The following TMEM266 variants were observed in gnomAD, a reference collection of about 807,000 sequenced individuals.
TMEM266 encodes Hv1 related protein 1.
A neutral mutation model predicts 50.5 loss-of-function variants in TMEM266; 33 were observed. The ratio of observed to expected loss-of-function variants is 0.65; its 90% CI spans 0.50 to 0.87. TMEM266 has a LOEUF of 0.87. Among genes scored for constraint, TMEM266 ranks in the 40% least tolerant of loss-of-function variants. The pLI is 0.00. For synonymous variants in TMEM266, 310 were observed against 292.3 expected, an observed-to-expected ratio of 1.06 and a Z score of -0.62; for missense variants, 655 against 695.1, an observed-to-expected ratio of 0.94 and a Z score of 0.65.
chr15:76,190,474 T>C (rs2038551326), intron 8 of TMEM266, among the ~76,000 whole-genome samples: 1 of 148,436 alleles, frequency 6.7e-6, no homozygotes, highest in African/African-American at 2.5e-5. Context: ...TGTGGGAGAG[T>C]CCCCCTGAGT....
rs1015309463 is a variant in TMEM266, at chr15:76,129,299, A to G, written c.-96-4869A>G. 3.3e-5 allele frequency among the ~76,000 whole-genome samples: 5 copies of G among 152,264 alleles called. No individual in the cohort carries two copies. The East Asian group carries it at 9.6e-4, about 29-fold the overall frequency. On this transcript the variant is annotated intron_variant, in intron 1 of 10. Transcript: ENST00000388942. ...ACCTGAATCTGATTAAAATCTATAA[A>G]CTAATTAAAATGTATAGGAAACATA... is the stretch of plus-strand genomic sequence containing the variant.
At chr15:76,103,560 A>G (rs1281122795) in intron 1 of TMEM266, among the ~76,000 whole-genome samples, 2 of 152,154 alleles carry the variant, frequency 1.3e-5, no homozygotes, top group African/African-American at 4.8e-5. Flanking sequence ...ATCTAAGTGG[A>G]GATGTCTGGC....
intron 1 of TMEM266, among the ~76,000 whole-genome samples, chr15:76,110,499 C>A (rs1297186010): frequency 6.6e-6 from 1 of 152,126 alleles, no homozygotes; most frequent in Non-Finnish European, 1.5e-5. Flanking sequence ...CCTAGGGAAG[C>A]CAAAAGATTG....
chr15:76,198,847 G>C (rs552410785), intron 9 of TMEM266, among the ~76,000 whole-genome samples: 2 of 87,508 alleles, frequency 2.3e-5, no homozygotes, highest in Non-Finnish European at 5.4e-5. Flanking sequence ...AGCACCATTA[G>C]AGAAGTCCAG....
rs776679000 is a variant in TMEM266, at chr15:76,204,216, G to T, written c.1497G>T (p.Arg499Ser). ...AGGGCTTCACTGTCTTTCAGATCAG[G>T]CCTGTCATCCACTTCCAGCCCACTG... Residue 499 changes from arginine to serine, a missense_variant, in exon 11 of 11, where the codon AGG becomes AGT. Around this residue, in one of 3 missense-constraint regions of TMEM266, gnomAD observed 455 missense variants for 401.8 expected, o/e 1.13. Transcript: ENST00000388942. 1 of 1,613,862 alleles carries T rather than the reference G, an allele frequency of 6.2e-7. No individual in the cohort carries two copies. Among genetic ancestry groups the T allele is most frequent in the Admixed American group, 1.7e-5 (1 of 60,012 alleles).
At chr15:76,164,456 A>G (rs1471353773) in intron 5 of TMEM266, among the ~76,000 whole-genome samples, 1 of 151,948 alleles carries the variant, frequency 6.6e-6, no homozygotes, top group Non-Finnish European at 1.5e-5. Flanking sequence ...GATCCTCCCT[A>G]CTTGGCCTCC....
intron 1 of TMEM266, among the ~76,000 whole-genome samples, chr15:76,091,036 G>A (rs1245747482): frequency 6.6e-6 from 1 of 152,016 alleles, no homozygotes; most frequent in Non-Finnish European, 1.5e-5. Context: ...CTATACATAT[G>A]TACAATTACA....
At chr15:76,157,504 T>G (rs562172692) in intron 4 of TMEM266, among the ~76,000 whole-genome samples, 1 of 152,188 alleles carries the variant, frequency 6.6e-6, no homozygotes, top group African/African-American at 2.4e-5. Flanking sequence ...GGATGTCCCA[T>G]AGTGACATGG....
intron 9 of TMEM266, among the ~76,000 whole-genome samples, chr15:76,198,101 T>C (rs2142088277): frequency 6.6e-6 from 1 of 152,296 alleles, no homozygotes; most frequent in Admixed American, 6.5e-5. Context: ...GGGCTAAACA[T>C]TCATGATCTC....
At chr15:76,133,582 A>G (rs918350869) in intron 1 of TMEM266, among the ~76,000 whole-genome samples, 1 of 152,194 alleles carries the variant, frequency 6.6e-6, no homozygotes, top group Non-Finnish European at 1.5e-5. Context: ...CAGGTGGGGA[A>G]ACTGAGGATG....
rs1308603713 is a variant in TMEM266, at chr15:76,168,657, A to G, written c.457-1159A>G. Among the ~76,000 whole-genome samples, 2 of 152,248 alleles carry G rather than the reference A, an allele frequency of 1.3e-5. No individual in the cohort carries two copies. The highest frequency in any genetic ancestry group is 4.8e-5 in the African/African-American group (2 of 41,468). ...TTATTCCTTCATGCACGCATTGTTC[A>G]TCTGTCCACAGTGCATAATCGCCTG... On this transcript the variant is annotated intron_variant, in intron 5 of 10. Coordinates refer to ENST00000388942, the MANE Select transcript of TMEM266 (RefSeq NM_152335.3). The surrounding 1 kb of genome is among the most constrained non-coding windows in gnomAD (Gnocchi z 4.4).
intron 7 of TMEM266, 70 bp from the exon 8 acceptor site, chr15:76,175,489 T>G (rs2038259712): frequency 1.8e-5 from 22 of 1,239,738 alleles, no homozygotes; most frequent in Non-Finnish European, 2.3e-5. Flanking sequence ...GCCTGAATGC[T>G]GGGCCCGCCC....
At chr15:76,072,655 T>G (rs1232581248) in intron 1 of TMEM266, among the ~76,000 whole-genome samples, 2 of 152,094 alleles carry the variant, frequency 1.3e-5, no homozygotes, top group African/African-American at 4.8e-5. Flanking sequence ...TTCTTTTTTT[T>G]TGAGATGGAG....
At position 76,160,631 on chromosome 15, in the gene TMEM266, G is replaced by A. The variant is rs910951937; in HGVS notation, c.456+463G>A. On this transcript the variant is annotated intron_variant, in intron 5 of 10. Transcript: ENST00000388942. The surrounding 1 kb of genome is among the most constrained non-coding windows in gnomAD (Gnocchi z 5.7). ...TGAAGCACGCAGTGGGTGGGGGAAC[G>A]GGGTCACAGGGCCAGGCAGTGGACC... Among the ~76,000 whole-genome samples, 7 of 152,196 alleles carry A rather than the reference G, an allele frequency of 4.6e-5. No homozygotes were observed. Among genetic ancestry groups the A allele is most frequent in the African/African-American group, 1.2e-4 (5 of 41,452 alleles).
chr15:76,121,639 ACTC>A (rs1487734685), intron 1 of TMEM266, among the ~76,000 whole-genome samples: 1 of 151,494 alleles, frequency 6.6e-6, no homozygotes, highest in Non-Finnish European at 1.5e-5. Context: ...CTGGTCTCAA[ACTC>A]CTGACCTTAA....
chr15:76,153,276 G>C lies in TMEM266; in HGVS notation c.228-3328G>C, dbSNP rs1007245174. Among the ~76,000 whole-genome samples the C allele has an allele frequency of 4.6e-5, 7 of 152,154 alleles. No individual in the cohort carries two copies. Among genetic ancestry groups the C allele is most frequent in the African/African-American group, 1.7e-4 (7 of 41,426 alleles). On this transcript the variant is annotated intron_variant, in intron 3 of 10. Transcript: ENST00000388942. The surrounding 1 kb of genome is among the most constrained non-coding windows in gnomAD (Gnocchi z 4.2). ...CTAGTGCTCCTGAATACAATGCTTC[G>C]TTTCATTCCCTACTCCCTTCAGGAC...
chr15:76,197,392 C>T (rs2038671440), intron 9 of TMEM266, among the ~76,000 whole-genome samples: 1 of 152,242 alleles, frequency 6.6e-6, no homozygotes, highest in African/African-American at 2.4e-5. Context: ...GGGCTGGCTT[C>T]ATGGATGCAT....
rs145241593 is a variant in TMEM266 at position 76,141,666 on chromosome 15, T to C, written c.227+3771T>C. The stretch of plus-strand genomic sequence containing the variant: ...AAGGACATACACATTGTTGGGTAAC[T>C]ATAACCAGCATGCATCTCCAGAACT... On this transcript the variant is annotated intron_variant, in intron 3 of 10. Coordinates refer to ENST00000388942, the MANE Select transcript of TMEM266 (RefSeq NM_152335.3). Among the ~76,000 whole-genome samples, 3 of 152,344 alleles carry C rather than the reference T, an allele frequency of 2.0e-5. No individual in the cohort carries two copies. In the East Asian group the frequency reaches 5.8e-4, roughly 29 times the overall value.
intron 8 of TMEM266, 200 bp downstream of exon 8, chr15:76,175,874 G>A: frequency 2.0e-6 from 1 of 512,098 alleles, no homozygotes; most frequent in Non-Finnish European, 3.5e-6. Context: ...GCCAGGCATG[G>A]ACTCAACCCT....
Sources: allele counts gnomAD v4.1 joint callset (sites outside exome capture counted in the v4.1 genomes callset), GRCh38; gene constraint gnomAD v4.1.1; regional missense constraint gnomAD v4.1.1; non-coding constraint Gnocchi (gnomAD v3.1); transcripts MANE v1.5; gene names NCBI Gene and HGNC (gene_info 2026-07-23, HGNC 2026-07-21).